ENTPD3: variants seen among roughly 807,000 people sequenced by gnomAD.
ENTPD3 encodes CD39 antigen-like 3.
A neutral mutation model predicts 51.2 loss-of-function variants in ENTPD3; 60 were observed. That is an observed-to-expected ratio of 1.17 (90% CI 0.95 to 1.45). The LOEUF (loss-of-function observed/expected upper bound fraction) is 1.45. Ranked by LOEUF, ENTPD3 falls within the 40% of genes most tolerant of loss-of-function variation. The pLI is 0.00. For missense variants in ENTPD3, 593 were observed against 641.1 expected, an observed-to-expected ratio of 0.93 and a Z score of 0.81; for synonymous variants, 221 against 238.4, an observed-to-expected ratio of 0.93 and a Z score of 0.67.
chr3:40,411,550 T>G (rs995842062), intron 4 of ENTPD3, among the ~76,000 whole-genome samples: 2 of 152,140 alleles, frequency 1.3e-5, no homozygotes, highest in African/African-American at 4.8e-5. Context: ...CTCTCTACTT[T>G]TATTTATATT....
At chr3:40,402,374 C>T (rs1337286582) in intron 4 of ENTPD3, among the ~76,000 whole-genome samples, 1 of 152,038 alleles carries the variant, frequency 6.6e-6, no homozygotes, top group African/African-American at 2.4e-5. Flanking sequence ...CTGCCTCGGC[C>T]TCCCAAAGTG....
Position 40,423,924 on chromosome 3 carries a change from C to T in ENTPD3, c.1314C>T (p.Phe438=), listed in dbSNP as rs1955935011. 6.2e-7 allele frequency: 1 copy of T among 1,614,080 alleles called. No homozygotes were observed. Among genetic ancestry groups the T allele is most frequent in the African/African-American group, 1.3e-5 (1 of 75,034 alleles). Residue 438 remains phenylalanine, a synonymous_variant, in exon 10 of 11, where the codon TTC becomes TTT. Coordinates refer to ENST00000301825, the MANE Select transcript of ENTPD3 (RefSeq NM_001248.4). The part of the protein sequence containing the change: ...IYHLFVNGYK[F]TEETWPQIHF... ...ACTTGTTTGTGAACGGTTACAAATTCACAGAGGAGACTTGGCCCCAAATAC... is the reference window on the plus strand; with the variant it reads ...ACTTGTTTGTGAACGGTTACAAATTTACAGAGGAGACTTGGCCCCAAATAC...
At chr3:40,392,380 T>A in intron 3 of ENTPD3, 1 of 490,876 alleles carries the variant, frequency 2.0e-6, no homozygotes, top group Non-Finnish European at 3.6e-6. Context: ...AAGGACTGTG[T>A]AGTCTTGCTT....
Position 40,397,119 on chromosome 3 carries a change from C to CTTTTTTTTTT in ENTPD3, c.169-3764_169-3755dup, listed in dbSNP as rs3064608. Among the ~76,000 whole-genome samples, 734 of 101,248 alleles carry CTTTTTTTTTT rather than the reference C, an allele frequency of 7.2e-3. 78 individuals are homozygous for CTTTTTTTTTT. The highest frequency in any genetic ancestry group is 0.025 in the African/African-American group (659 of 26,876). The allele number at this position is 101,248 out of a possible 152,430, so 66.4% of individuals were successfully genotyped here. A position where few individuals can be genotyped will look rare whatever the true frequency, so the allele number is the denominator to read the frequency against. On this transcript the variant is annotated intron_variant, in intron 3 of 10. Coordinates refer to ENST00000301825, the MANE Select transcript of ENTPD3 (RefSeq NM_001248.4). ...AGAGTAAGAGTTGGATAATTAGTTTCTTTTTTTTTTTTTTTTTTTTCAGAA... is the reference window on the plus strand; with the variant it reads ...AGAGTAAGAGTTGGATAATTAGTTTCTTTTTTTTTTTTTTTTTTTTTTTTTTTTTTCAGAA...
rs558733559 is a variant in ENTPD3, at chr3:40,428,709, T to C, written c.*1201T>C. On this transcript the variant is annotated 3_prime_UTR_variant, in exon 11 of 11. Transcript: ENST00000301825. ...TATTTATGAGAGAAATTTTTTTCCCTAGCAAATTAAGAAACCCATTCATTA... is the reference window on the plus strand; with the variant it reads ...TATTTATGAGAGAAATTTTTTTCCCCAGCAAATTAAGAAACCCATTCATTA... The C allele has an allele frequency of 3.3e-5, 5 of 152,352 alleles. No individual in the cohort carries two copies. In the South Asian group the frequency reaches 1.0e-3, roughly 32 times the overall value. 9.4% of individuals were successfully genotyped at this position (152,352 alleles called of 1,614,324 possible).
chr3:40,390,436 A>G (rs957221210), intron 2 of ENTPD3, among the ~76,000 whole-genome samples: 1 of 152,142 alleles, frequency 6.6e-6, no homozygotes, highest in Admixed American at 6.5e-5. Flanking sequence ...GGCCTCAAGC[A>G]TCTTCCCATC....
chr3:40,414,987 A>G (rs956733236), intron 6 of ENTPD3, 147 bp downstream of exon 6: 5 of 806,644 alleles, frequency 6.2e-6, no homozygotes, highest in African/African-American at 1.7e-5. Flanking sequence ...CCTATGAGAC[A>G]ATAGCTAAGA....
At chr3:40,423,805 C>T (rs755968011) in intron 9 of ENTPD3, 21 bp from the exon 10 acceptor site, 4 of 1,612,210 alleles carry the variant, frequency 2.5e-6, no homozygotes, top group Non-Finnish European at 3.4e-6. Flanking sequence ...CCCTGCCTCT[C>T]AGATGTTTTA....
At chr3:40,404,756 G>C (rs1379058706) in intron 4 of ENTPD3, among the ~76,000 whole-genome samples, 1 of 152,270 alleles carries the variant, frequency 6.6e-6, no homozygotes, top group South Asian at 2.1e-4. Context: ...CTTCTCCAAG[G>C]ATAATTTGGG....
At chr3:40,398,140 C>G (rs1955253891) in intron 3 of ENTPD3, among the ~76,000 whole-genome samples, 2 of 152,268 alleles carry the variant, frequency 1.3e-5, no homozygotes, top group South Asian at 2.1e-4. Context: ...AGCCATTTCT[C>G]CAGTCTCACA....
intron 10 of ENTPD3, among the ~76,000 whole-genome samples, chr3:40,426,367 A>C (rs1280844060): frequency 6.6e-6 from 1 of 152,022 alleles, no homozygotes; most frequent in Non-Finnish European, 1.5e-5. Flanking sequence ...GGCCTCCCAA[A>C]GTGCTGGGAT....
intron 3 of ENTPD3, among the ~76,000 whole-genome samples, chr3:40,395,134 T>C (rs1575209364): frequency 6.6e-6 from 1 of 152,162 alleles, no homozygotes; most frequent in Non-Finnish European, 1.5e-5. Flanking sequence ...CTTTATTCTG[T>C]GAGAACAGGT....
Position 40,423,348 on chromosome 3 carries a change from C to G in ENTPD3, c.1162C>G (p.Leu388Val). The part of the protein sequence containing the change: ...SALNLSGSFS[L>V]DTFNSSTWNF... ...TTTAAATCTTTCAGGTAGCTTTTCC[C>G]TGGACACCTTCAACTCCAGCACCTG... The change falls in exon 9 of 11, where the codon CTG becomes GTG. Residue 388 changes from leucine (L) to valine (V), a missense_variant. Physicochemically the swap from Leu to Val is conservative, Grantham distance 32 (BLOSUM62 1). Coordinates refer to ENST00000301825, the MANE Select transcript of ENTPD3 (RefSeq NM_001248.4). 6.2e-7 allele frequency: 1 copy of G among 1,614,026 alleles called. No individual in the cohort carries two copies. The highest frequency in any genetic ancestry group is 1.1e-5 in the South Asian group (1 of 91,066).
intron 4 of ENTPD3, among the ~76,000 whole-genome samples, chr3:40,409,162 G>A (rs1195755878): frequency 6.6e-6 from 1 of 151,970 alleles, no homozygotes; most frequent in East Asian, 1.9e-4. Context: ...TGAGGCAGGA[G>A]AATCACTTGA....
chr3:40,421,690 T>C (rs1450899260), intron 7 of ENTPD3, among the ~76,000 whole-genome samples: 1 of 152,160 alleles, frequency 6.6e-6, no homozygotes, highest in Non-Finnish European at 1.5e-5. Flanking sequence ...ACTAAAAAAA[T>C]AGGCCACTGT....
At chr3:40,389,037 G>A (rs929179148) in intron 2 of ENTPD3, among the ~76,000 whole-genome samples, 1 of 152,154 alleles carries the variant, frequency 6.6e-6, no homozygotes, top group African/African-American at 2.4e-5. Flanking sequence ...GATAGTAAGG[G>A]CAATCTATAT....
At position 40,392,819 on chromosome 3, in the gene ENTPD3, A is replaced by T. The variant is rs530210063; in HGVS notation, c.168+669A>T. The stretch of plus-strand genomic sequence containing the variant: ...AAAAAGAAATTTTTCCAAAAAAAGG[A>T]AAAAAGAAGTCAAGACCAGGAGACC... On this transcript the variant is annotated intron_variant, in intron 3 of 10. Coordinates refer to ENST00000301825, the MANE Select transcript of ENTPD3 (RefSeq NM_001248.4). Among the ~76,000 whole-genome samples, 41 of 152,156 alleles carry T rather than the reference A, an allele frequency of 2.7e-4. No individual in the cohort carries two copies. In the South Asian group the frequency reaches 7.9e-3, roughly 29 times the overall value.
chr3:40,420,834 G>A (rs1330879346), intron 7 of ENTPD3, among the ~76,000 whole-genome samples: 1 of 151,820 alleles, frequency 6.6e-6, no homozygotes. Context: ...AAATGAAAGG[G>A]TTGGGCTAAA....
chr3:40,424,880 T>G, intron 10 of ENTPD3: 1 of 672,334 alleles, frequency 1.5e-6, no homozygotes, highest in Admixed American at 2.1e-5. Context: ...GACTATCTAC[T>G]TTTACATAAA....
Sources: gnomAD v4.1 joint callset for allele counts (sites outside exome capture counted in the v4.1 genomes callset) on GRCh38, gnomAD v4.1.1 for gene constraint, MANE v1.5 for transcripts, NCBI Gene and HGNC (gene_info 2026-07-23, HGNC 2026-07-21) for gene names.